Variants in SPON2 observed in about 807,000 individuals in gnomAD.
SPON2 encodes the protein spondin-2.
Under a neutral mutation model 29.9 loss-of-function variants are expected in SPON2, and 32 were observed. The ratio of observed to expected loss-of-function variants is 1.07; its 90% CI spans 0.81 to 1.44. The LOEUF (loss-of-function observed/expected upper bound fraction) is 1.44. SPON2 is among the 40% of genes most tolerant of loss of function. The pLI is 0.00. For missense variants in SPON2, 541 were observed against 455.5 expected (o/e 1.19, Z -1.71); for synonymous variants, 248 against 209.1 (o/e 1.19, Z -1.61).
Position 1,171,479 on chromosome 4 carries a change from C to G in SPON2, c.228G>C (p.Ala76=). ...TCCACATGCTGTAGTCGGAGCTATG[C>G]GCGGCCCCTGCAGGACCACCCGGCC... ...PAQWSSLLGA[A]HSSDYSMWRK... The change falls in exon 3 of 6, where the codon GCG becomes GCC. Residue 76 remains alanine (A), a synonymous_variant. Coordinates refer to ENST00000290902, the MANE Select transcript of SPON2 (RefSeq NM_012445.4). 6.2e-7 allele frequency: 1 copy of G among 1,611,344 alleles called. No individual in the cohort carries two copies. Among genetic ancestry groups the G allele is most frequent in the Non-Finnish European group, 8.5e-7 (1 of 1,179,142 alleles).
At chr4:1,174,486 C>CAAAAAAAAAAAAAAAAAAAAAAAAAAAA (rs59532169), upstream of SPON2, among the ~76,000 whole-genome samples, 1 of 94,292 alleles carries the variant, frequency 1.1e-5, no homozygotes, top group Non-Finnish European at 2.2e-5. Flanking sequence ...GACTCCATCT[C>CAAAAAAAAAAAAAAAAAAAAAAAAAAAA]AAAAAAAAAA....
chr4:1,187,584 A>G (rs562517412), intron 1 of SPON2, among the ~76,000 whole-genome samples: 44 of 152,232 alleles, frequency 2.9e-4, no homozygotes, highest in Middle Eastern at 3.4e-3. Context: ...TATACCTTTT[A>G]AGGTGTCTTT....
intron 5 of SPON2, among the ~76,000 whole-genome samples, chr4:1,169,538 T>C (rs1727353469): frequency 1.3e-5 from 2 of 152,112 alleles, no homozygotes; most frequent in African/African-American, 4.8e-5. Flanking sequence ...GACAGTAAGC[T>C]TGTAATTACT....
intron 5 of SPON2, among the ~76,000 whole-genome samples, chr4:1,169,590 G>T (rs886715716): frequency 5.3e-5 from 8 of 152,152 alleles, no homozygotes; most frequent in African/African-American, 1.9e-4. Flanking sequence ...ACATGGCTTG[G>T]GGGGCAGGTG....
At position 1,202,323 on chromosome 4, in the gene SPON2, C is replaced by T. The variant is rs917513269; in HGVS notation, c.-234+5557G>A. On this transcript the variant is annotated intron_variant, in intron 1 of 3. Transcript: ENST00000509233. The surrounding 1 kb of genome is among the most constrained non-coding windows in gnomAD (Gnocchi z 5.4). ...TGCCTCGTGAGTGGATCAAACACCTCCCATCAGTCCCCACCTCCCGGCACT... is the reference window on the plus strand; with the variant it reads ...TGCCTCGTGAGTGGATCAAACACCTTCCATCAGTCCCCACCTCCCGGCACT... Among the ~76,000 whole-genome samples the T allele has an allele frequency of 6.6e-6, 1 of 152,200 alleles. No individual in the cohort carries two copies. The highest frequency in any genetic ancestry group is 2.4e-5 in the African/African-American group (1 of 41,440).
upstream of SPON2, chr4:1,198,943 G>A (rs754598013): frequency 5.9e-5 from 9 of 152,144 alleles, no homozygotes; most frequent in Non-Finnish European, 1.3e-4. Flanking sequence ...GGGTCGACTC[G>A]TGGGGCCTGC....
chr4:1,188,071 C>T (rs1378384433), intron 1 of SPON2, among the ~76,000 whole-genome samples: 2 of 150,924 alleles, frequency 1.3e-5, no homozygotes, highest in African/African-American at 2.4e-5. Context: ...ATTAGCCAGG[C>T]GTGGTGGCGG....
At chr4:1,178,609 A>G (rs892700705) in intron 2 of SPON2, among the ~76,000 whole-genome samples, 2 of 151,342 alleles carry the variant, frequency 1.3e-5, no homozygotes, top group Non-Finnish European at 3.0e-5. Context: ...TTCCTGCCAT[A>G]CAGGCCTCAG....
chr4:1,200,312 A>C (rs1404128520), intron 1 of SPON2, among the ~76,000 whole-genome samples: 1 of 152,024 alleles, frequency 6.6e-6, no homozygotes, highest in Non-Finnish European at 1.5e-5. Context: ...GAAGGCGTCC[A>C]GCCTGCAGAA....
intron 1 of SPON2, among the ~76,000 whole-genome samples, chr4:1,190,822 TG>T (rs1727897793): frequency 6.6e-6 from 1 of 152,060 alleles, no homozygotes; most frequent in Non-Finnish European, 1.5e-5. Flanking sequence ...ATGAACAATA[TG>T]AAAATGAAAT....
intron 1 of SPON2, among the ~76,000 whole-genome samples, chr4:1,191,058 C>A (rs539462315): frequency 6.6e-6 from 1 of 150,506 alleles, no homozygotes; most frequent in Non-Finnish European, 1.5e-5. Context: ...CAATCCCCAT[C>A]AAAATTCTAA....
chr4:1,182,314 G>T (rs567363486), intron 1 of SPON2, among the ~76,000 whole-genome samples: 1 of 152,200 alleles, frequency 6.6e-6, no homozygotes, highest in East Asian at 1.9e-4. Flanking sequence ...TCTTAAAGAT[G>T]CTCAAAGGAC....
chr4:1,171,219 GCCCCGGCC>G (rs1245642509), intron 3 of SPON2, 29 bp from the exon 4 acceptor site: 14 of 1,448,806 alleles, frequency 9.7e-6, no homozygotes, highest in Non-Finnish European at 1.3e-5. Flanking sequence ...AGCGCGCCTG[GCCCCGGCC>G]CCCCGGACCC....
upstream of SPON2, among the ~76,000 whole-genome samples, chr4:1,197,746 G>A (rs1728100915): frequency 6.6e-6 from 1 of 152,168 alleles, no homozygotes; most frequent in African/African-American, 2.4e-5. Context: ...CCCAAAAGCT[G>A]CATCAAGAAA....
chr4:1,177,484 C>T (rs1011809855), upstream of SPON2, among the ~76,000 whole-genome samples: 4 of 152,210 alleles, frequency 2.6e-5, no homozygotes, highest in South Asian at 2.1e-4. Flanking sequence ...TCTGAGCAGG[C>T]GGGTGTGGGG....
chr4:1,167,734 C>T, intron 5 of SPON2, 78 bp from the exon 6 acceptor site: 1 of 1,459,080 alleles, frequency 6.9e-7, no homozygotes. Flanking sequence ...CACCTCCCAC[C>T]AACGTGTGCA....
At chr4:1,173,748 G>A (rs1373889957), upstream of SPON2, among the ~76,000 whole-genome samples, 1 of 152,214 alleles carries the variant, frequency 6.6e-6, no homozygotes, top group Non-Finnish European at 1.5e-5. Context: ...AACTAGGACA[G>A]AATGCAAACA....
At chr4:1,196,154 A>G (rs984590211), upstream of SPON2, among the ~76,000 whole-genome samples, 1 of 152,116 alleles carries the variant, frequency 6.6e-6, no homozygotes, top group Non-Finnish European at 1.5e-5. Context: ...TGGGGTGCCT[A>G]GCGCCCCGCC....
upstream of SPON2, among the ~76,000 whole-genome samples, chr4:1,197,605 C>T (rs950109270): frequency 6.9e-6 from 1 of 144,196 alleles, no homozygotes; most frequent in African/African-American, 2.6e-5. Context: ...AGAATGAGAA[C>T]AATAAAGTGC....
Sources: allele counts gnomAD v4.1 joint callset (sites outside exome capture counted in the v4.1 genomes callset), GRCh38; gene constraint gnomAD v4.1.1; non-coding constraint Gnocchi (gnomAD v3.1); transcripts MANE v1.5; gene names NCBI Gene and HGNC (gene_info 2026-07-23, HGNC 2026-07-21).